RORA: variants seen among roughly 807,000 people sequenced by gnomAD.
The protein encoded by RORA is RAR related orphan receptor A.
In RORA, 7 loss-of-function variants were observed where a neutral mutation model predicts 69.5. That is an observed-to-expected ratio of 0.10 (90% CI 0.06 to 0.19). The LOEUF (loss-of-function observed/expected upper bound fraction) is 0.19. RORA is among the 10% of genes least tolerant of loss of function. The pLI is 1.00. For missense variants in RORA, 457 were observed against 663.0 expected (o/e 0.69, Z 3.41); for synonymous variants, 261 against 240.8 (o/e 1.08, Z -0.78).
intron 1 of RORA, among the ~76,000 whole-genome samples, chr15:60,920,458 T>C (rs888649015): frequency 1.1e-4 from 16 of 152,194 alleles, no homozygotes; most frequent in African/African-American, 3.6e-4. Flanking sequence ...CCTCAGACCA[T>C]GGCTGTCACC....
rs536312414 is a variant in RORA at position 60,873,988 on chromosome 15, C to T, written c.167-195302G>A. ...TAGGGAAGTCACTTAAAACAAATAACCTATTTTTTTCAATGTTAATATTAA... is the reference window on the plus strand; with the variant it reads ...TAGGGAAGTCACTTAAAACAAATAATCTATTTTTTTCAATGTTAATATTAA... On this transcript the variant is annotated intron_variant, in intron 1 of 10. Coordinates refer to ENST00000335670, the MANE Select transcript of RORA (RefSeq NM_134261.3). Among the ~76,000 whole-genome samples the T allele has an allele frequency of 1.0e-3, 155 of 152,174 alleles. 1 individual carries two copies. Among genetic ancestry groups the T allele is most frequent in the South Asian group, 1.9e-3 (9 of 4,818 alleles).
chr15:61,056,756 G>C (rs988198242), intron 1 of RORA, among the ~76,000 whole-genome samples: 5 of 152,018 alleles, frequency 3.3e-5, no homozygotes, highest in African/African-American at 9.7e-5. Flanking sequence ...GAATAGACAG[G>C]GCCTATTTTA....
chr15:61,133,224 T>C (rs1324192997), intron 1 of RORA, among the ~76,000 whole-genome samples: 3 of 152,138 alleles, frequency 2.0e-5, no homozygotes, highest in Non-Finnish European at 2.9e-5. Flanking sequence ...AGGTAATATA[T>C]ATAATGTTCT....
chr15:60,997,252 A>C (rs773744824), intron 1 of RORA, among the ~76,000 whole-genome samples: 6 of 152,206 alleles, frequency 3.9e-5, no homozygotes, highest in Non-Finnish European at 8.8e-5. Context: ...TAGGAAGAGA[A>C]TGATAGCACT....
chr15:60,655,765 A>C (rs2070212486), intron 2 of RORA, among the ~76,000 whole-genome samples: 1 of 152,184 alleles, frequency 6.6e-6, no homozygotes, highest in Non-Finnish European at 1.5e-5. Flanking sequence ...AGACACAGAC[A>C]CATGTATTTG....
At chr15:61,103,944 C>A (rs1381060011) in intron 1 of RORA, among the ~76,000 whole-genome samples, 2 of 152,274 alleles carry the variant, frequency 1.3e-5, no homozygotes, top group East Asian at 3.9e-4. Flanking sequence ...TCTTCCCCTC[C>A]CCTGATGTTC....
intron 1 of RORA, among the ~76,000 whole-genome samples, chr15:60,948,346 G>C (rs4332688): frequency 0.39 from 59,671 of 151,994 alleles, 13,683 homozygotes; most frequent in Non-Finnish European, 0.51. Flanking sequence ...CATCCATTTA[G>C]AAGAAATAAA....
At chr15:60,711,184 AAC>A (rs1013000247) in intron 1 of RORA, among the ~76,000 whole-genome samples, 3 of 152,062 alleles carry the variant, frequency 2.0e-5, no homozygotes, top group African/African-American at 7.2e-5. Flanking sequence ...AGTAACTCCC[AAC>A]ACAGTCTCCG....
intron 1 of RORA, among the ~76,000 whole-genome samples, chr15:60,900,989 A>G (rs1891376222): frequency 6.6e-6 from 1 of 152,146 alleles, no homozygotes; most frequent in Non-Finnish European, 1.5e-5. Context: ...CTTCCTGAAT[A>G]TTATTCCTTT....
At chr15:60,957,532 C>G (rs2414688) in intron 1 of RORA, among the ~76,000 whole-genome samples, 147,709 of 152,338 alleles carry the variant, frequency 0.97, 71,798 homozygotes, top group East Asian at 1. Flanking sequence ...GCTTATGGAA[C>G]ACCTAATATG....
At chr15:60,972,300 A>G (rs1252042152) in intron 1 of RORA, among the ~76,000 whole-genome samples, 1 of 152,214 alleles carries the variant, frequency 6.6e-6, no homozygotes, top group Non-Finnish European at 1.5e-5. Flanking sequence ...GGAAGGCAAA[A>G]CAACAAGGAC....
rs552427386 is a variant in RORA at position 60,845,475 on chromosome 15, C to T, written c.167-166789G>A. Among the ~76,000 whole-genome samples the T allele has an allele frequency of 1.6e-4, 25 of 152,246 alleles. 1 individual carries two copies. The South Asian group carries it at 5.2e-3, about 32-fold the overall frequency. On this transcript the variant is annotated intron_variant, in intron 1 of 10. Transcript: ENST00000335670. ...CAATCTTTTGATGATTCTTTAAGGT[C>T]CCCAGATCCACAGAATGTGACAGCT...
At chr15:60,699,200 A>C (rs2070947925) in intron 1 of RORA, among the ~76,000 whole-genome samples, 1 of 152,066 alleles carries the variant, frequency 6.6e-6, no homozygotes, top group Non-Finnish European at 1.5e-5. Flanking sequence ...GTAATCTTTT[A>C]TTTATGGTTT....
chr15:60,998,534 A>G (rs1340554581), intron 1 of RORA, among the ~76,000 whole-genome samples: 2 of 151,956 alleles, frequency 1.3e-5, no homozygotes, highest in African/African-American at 4.8e-5. Flanking sequence ...AGTAGCTGGG[A>G]TTACAGTCAC....
intron 2 of RORA, among the ~76,000 whole-genome samples, chr15:60,629,810 T>A (rs986880538): frequency 3.3e-5 from 5 of 152,050 alleles, no homozygotes; most frequent in Non-Finnish European, 7.4e-5. Flanking sequence ...AGGACAAAGA[T>A]GGGGGGATTA....
chr15:60,938,185 C>G (rs1042900185), intron 1 of RORA, among the ~76,000 whole-genome samples: 2 of 152,072 alleles, frequency 1.3e-5, no homozygotes, highest in Non-Finnish European at 2.9e-5. Context: ...ATATACACAT[C>G]GTACATAAAC....
At chr15:60,924,524 C>T (rs1892150667) in intron 1 of RORA, among the ~76,000 whole-genome samples, 1 of 151,736 alleles carries the variant, frequency 6.6e-6, no homozygotes, top group Admixed American at 6.6e-5. Flanking sequence ...TACTTCTGCT[C>T]ATCCGATTTA....
chr15:60,842,006 G>C (rs1008301685), intron 1 of RORA, among the ~76,000 whole-genome samples: 3 of 152,018 alleles, frequency 2.0e-5, no homozygotes, highest in Admixed American at 6.6e-5. Flanking sequence ...ACTACAGTTT[G>C]GGTCACTGCC....
At chr15:60,936,809 TA>T (rs1339110515) in intron 1 of RORA, among the ~76,000 whole-genome samples, 12 of 152,200 alleles carry the variant, frequency 7.9e-5, no homozygotes. Context: ...GACATTTTGT[TA>T]GGGGCAGAGG....
Sources: gnomAD v4.1 joint callset for allele counts (sites outside exome capture counted in the v4.1 genomes callset) on GRCh38, gnomAD v4.1.1 for gene constraint, MANE v1.5 for transcripts, NCBI Gene and HGNC (gene_info 2026-07-23, HGNC 2026-07-21) for gene names.